DHRS11: variants seen among roughly 807,000 people sequenced by gnomAD.
DHRS11 encodes the protein dehydrogenase/reductase SDR family member 11.
DHRS11 carries 18 observed loss-of-function variants against 30.7 expected under a neutral mutation model. The ratio of observed to expected loss-of-function variants is 0.59; its 90% CI spans 0.41 to 0.87. The LOEUF is 0.87. DHRS11 is among the 40% of genes least tolerant of loss of function. The probability of loss-of-function intolerance (pLI) is 0.00; values close to 1 mark genes in which losing one functional copy is unlikely to be tolerated. For synonymous variants in DHRS11, 123 were observed against 139.6 expected (o/e 0.88, Z 0.84); for missense variants, 300 against 349.0 (o/e 0.86, Z 1.12).
At chr17:36,596,131 G>A (rs958077772) in intron 2 of DHRS11, among the ~76,000 whole-genome samples, 2 of 151,864 alleles carry the variant, frequency 1.3e-5, no homozygotes, top group African/African-American at 4.8e-5. Context: ...CTCTATGGTG[G>A]TGTGGGCCCA....
chr17:36,599,876 G>T, intron 5 of DHRS11, 96 bp from the exon 6 acceptor site: 2 of 1,582,276 alleles, frequency 1.3e-6, no homozygotes, highest in Non-Finnish European at 8.6e-7. Context: ...CTGGAGGGTT[G>T]GGGTGGATGT....
intron 1 of DHRS11, among the ~76,000 whole-genome samples, chr17:36,594,106 C>T (rs1414982213): frequency 6.6e-6 from 1 of 152,192 alleles, no homozygotes; most frequent in African/African-American, 2.4e-5. Flanking sequence ...TCTGTCCTGA[C>T]TTTCTGACCC....
At position 36,598,770 on chromosome 17, in the gene DHRS11, A is replaced by T. The variant is rs181789851; in HGVS notation, c.453-151A>T. The T allele has an allele frequency of 3.0e-6, 3 of 1,012,270 alleles. No individual in the cohort carries two copies. In the Admixed American group the frequency reaches 8.0e-5, roughly 27 times the overall value. 62.7% of individuals were successfully genotyped at this position (1,012,270 alleles called of 1,614,324 possible). A position where few individuals can be genotyped will look rare whatever the true frequency, so the allele number is the denominator to read the frequency against. On this transcript the variant is annotated intron_variant, in intron 3 of 6. Coordinates refer to ENST00000618403, the MANE Select transcript of DHRS11 (RefSeq NM_024308.4). ...AAGCTGTTTGAATAACCAAAATTAGATTAGTGAGCTGTAGGATGGCCAGTA... is the reference window on the plus strand; with the variant it reads ...AAGCTGTTTGAATAACCAAAATTAGTTTAGTGAGCTGTAGGATGGCCAGTA...
chr17:36,596,069 G>T (rs556777157), intron 2 of DHRS11, among the ~76,000 whole-genome samples: 26 of 152,290 alleles, frequency 1.7e-4, no homozygotes, highest in African/African-American at 5.3e-4. Flanking sequence ...GTTAGGAGGG[G>T]TCTGTGGTGT....
At position 36,597,807 on chromosome 17, in the gene DHRS11, G is replaced by A. The variant is rs1278877298; in HGVS notation, c.358-356G>A. 5 of 370,274 alleles carry A rather than the reference G, an allele frequency of 1.4e-5. No homozygotes were observed. The South Asian group carries it at 1.4e-4, about 11-fold the overall frequency. 22.9% of individuals were successfully genotyped at this position (370,274 alleles called of 1,614,324 possible). ...GAGTAGGGTATTTGGGGGAAGAAAT[G>A]GAAATGATTCCCTATGGAATTAGAG... On this transcript the variant is annotated intron_variant, in intron 2 of 6. Coordinates refer to ENST00000618403, the MANE Select transcript of DHRS11 (RefSeq NM_024308.4).
chr17:36,598,130 T>C (rs1375510380), intron 2 of DHRS11, 33 bp from the exon 3 acceptor site: 4 of 1,609,658 alleles, frequency 2.5e-6, no homozygotes, highest in Non-Finnish European at 3.4e-6. Context: ...TGGGCCGGAG[T>C]GGAGACACCT....
intron 2 of DHRS11, chr17:36,597,169 A>G (rs755578977): frequency 1.5e-4 from 38 of 253,200 alleles, no homozygotes; most frequent in Non-Finnish European, 2.6e-4. Flanking sequence ...ACAAGCCCAC[A>G]TTGCCAAGAA....
Position 36,598,188 on chromosome 17 carries a change from G to A in DHRS11, c.383G>A (p.Cys128Tyr), listed in dbSNP as rs1274280683. The change falls in exon 3 of 7, where the codon TGC (cysteine) becomes TAC (tyrosine). Residue 128 changes from cysteine (C) to tyrosine (Y), a missense_variant. Transcript: ENST00000618403. Reference sequence around the variant, plus strand: ...GTGAACGTGCTGGCCCTCAGCATCTGCACACGGGAAGCCTACCAGTCCATG... The same window carrying A: ...GTGAACGTGCTGGCCCTCAGCATCTACACACGGGAAGCCTACCAGTCCATG... ...FNVNVLALSI[C>Y]TREAYQSMKE... 1.2e-6 allele frequency: 2 copies of A among 1,614,124 alleles called. No individual in the cohort carries two copies. The highest frequency in any genetic ancestry group is 2.2e-5 in the East Asian group (1 of 44,878).
rs747664624 is a variant in DHRS11, at chr17:36,592,094, C to G, written c.85C>G (p.Arg29Gly). The G allele has an allele frequency of 3.1e-5, 39 of 1,253,024 alleles. No homozygotes were observed. Among genetic ancestry groups the G allele is most frequent in the Non-Finnish European group, 3.9e-5 (39 of 998,506 alleles). 77.6% of individuals were successfully genotyped at this position (1,253,024 alleles called of 1,614,324 possible). A position where few individuals can be genotyped will look rare whatever the true frequency, so the allele number is the denominator to read the frequency against. Residue 29 changes from arginine (R) to glycine (G), a missense_variant, in exon 1 of 7, where the codon CGG (arginine) becomes GGG (glycine). Physicochemically the swap from Arg to Gly is moderately radical, Grantham distance 125 (BLOSUM62 -2). Transcript: ENST00000618403. This position sits in a 1 kb window ranked among gnomAD's most constrained non-coding sequence, Gnocchi z 4.4. Reference sequence around the variant, plus strand: ...GGGGGGCATCGGCGCGGCCGTGGCCCGGGCCCTGGTCCAGCAGGGACTGAA... The same window carrying G: ...GGGGGGCATCGGCGCGGCCGTGGCCGGGGCCCTGGTCCAGCAGGGACTGAA... ...ASGGIGAAVA[R>G]ALVQQGLKVV... is the part of the protein sequence containing the mutation.
At chr17:36,593,512 TC>T (rs1342656637) in intron 1 of DHRS11, among the ~76,000 whole-genome samples, 1 of 152,174 alleles carries the variant, frequency 6.6e-6, no homozygotes, top group Non-Finnish European at 1.5e-5. Flanking sequence ...GCTGCAGTCT[TC>T]CTTGCCCACA....
At chr17:36,598,573 G>T in intron 3 of DHRS11, 1 of 503,398 alleles carries the variant, frequency 2.0e-6, no homozygotes, top group Non-Finnish European at 3.5e-6. Flanking sequence ...CTGCCACTGG[G>T]GAGCCCCAGT....
At chr17:36,593,955 C>G (rs1358180081) in intron 1 of DHRS11, among the ~76,000 whole-genome samples, 2 of 152,244 alleles carry the variant, frequency 1.3e-5, no homozygotes, top group Non-Finnish European at 2.9e-5. Flanking sequence ...AGTGGCTCTG[C>G]CTTCTCAGGT....
At position 36,598,984 on chromosome 17, in the gene DHRS11, C is replaced by T. The variant is rs370398386; in HGVS notation, c.516C>T (p.Ala172=). 3.5e-5 allele frequency: 57 copies of T among 1,613,504 alleles called. No homozygotes were observed. The highest frequency in any genetic ancestry group is 3.3e-4 in the Middle Eastern group (2 of 6,062). ...VTHFYSATKY[A]VTALTEGLRQ... ...ACTTCTATAGTGCCACCAAGTATGC[C>T]GTCACTGCGCTGACAGAGGGACTGA... is the stretch of plus-strand genomic sequence containing the variant. Residue 172 remains alanine, a synonymous_variant, in exon 4 of 7, where the codon GCC becomes GCT. Coordinates refer to ENST00000618403, the MANE Select transcript of DHRS11 (RefSeq NM_024308.4).
chr17:36,598,404 A>G (rs2074828663), intron 3 of DHRS11, 147 bp downstream of exon 3: 1 of 766,486 alleles, frequency 1.3e-6, no homozygotes, highest in Non-Finnish European at 2.1e-6. Context: ...GGGAAAGAAT[A>G]ATGTTGTCAA....
At chr17:36,599,913 T>C (rs1187495540) in intron 5 of DHRS11, 59 bp from the exon 6 acceptor site, 3 of 1,597,038 alleles carry the variant, frequency 1.9e-6, no homozygotes, top group Non-Finnish European at 1.7e-6. Context: ...AGCTCAGTGG[T>C]GGGAGGGAAT....
Position 36,592,108 on chromosome 17 carries a change from G to T in DHRS11, c.99G>T (p.Gln33His), listed in dbSNP as rs747568347. The T allele has an allele frequency of 6.3e-6, 8 of 1,268,538 alleles. No homozygotes were observed. In the Admixed American group the frequency reaches 1.1e-4, roughly 18 times the overall value. The allele number at this position is 1,268,538 out of a possible 1,614,324, so 78.6% of individuals were successfully genotyped here. A position where few individuals can be genotyped will look rare whatever the true frequency, so the allele number is the denominator to read the frequency against. ...IGAAVARALV[Q>H]QGLKVVGCAR... is the part of the protein sequence containing the mutation. ...CGGCCGTGGCCCGGGCCCTGGTCCA[G>T]CAGGGACTGAAGGTGGTGGGCTGCG... Residue 33 changes from glutamine to histidine, a missense_variant, in exon 1 of 7, where the codon CAG (glutamine) becomes CAT (histidine). Coordinates refer to ENST00000618403, the MANE Select transcript of DHRS11 (RefSeq NM_024308.4). The surrounding 1 kb of genome is among the most constrained non-coding windows in gnomAD (Gnocchi z 4.4).
intron 2 of DHRS11, among the ~76,000 whole-genome samples, chr17:36,595,700 G>A (rs2074805529): frequency 1.3e-5 from 2 of 152,288 alleles, no homozygotes; most frequent in Non-Finnish European, 2.9e-5. Flanking sequence ...TGGGATTACA[G>A]GCATGAGCCA....
rs1260756306 is a variant in DHRS11, at chr17:36,600,325, A to G, written c.*122A>G. 5.1e-6 allele frequency: 6 copies of G among 1,178,858 alleles called. No individual in the cohort carries two copies. Among genetic ancestry groups the G allele is most frequent in the Non-Finnish European group, 7.2e-6 (6 of 831,290 alleles). 73.0% of individuals were successfully genotyped at this position (1,178,858 alleles called of 1,614,324 possible). On this transcript the variant is annotated 3_prime_UTR_variant, in exon 7 of 7. Transcript: ENST00000618403. ...CCTGTCCACACCCCGACCAGGGGCTAGAAAATTTGTTTGAGATTTTTATAT... is the reference window on the plus strand; with the variant it reads ...CCTGTCCACACCCCGACCAGGGGCTGGAAAATTTGTTTGAGATTTTTATAT...
chr17:36,599,585 GGTTCT>G, intron 4 of DHRS11, 81 bp from the exon 5 acceptor site: 1 of 1,373,860 alleles, frequency 7.3e-7, no homozygotes, highest in Non-Finnish European at 1.0e-6. Context: ...GTGAAGCTGG[GGTTCT>G]GTGGCCTCCA....
Sources: allele counts gnomAD v4.1 joint callset (sites outside exome capture counted in the v4.1 genomes callset), GRCh38; gene constraint gnomAD v4.1.1; non-coding constraint Gnocchi (gnomAD v3.1); transcripts MANE v1.5; gene names NCBI Gene and HGNC (gene_info 2026-07-23, HGNC 2026-07-21).